RPS6KC1: variants seen among roughly 807,000 people sequenced by gnomAD.
The protein encoded by RPS6KC1 is ribosomal protein S6 kinase C1, also known as inactive ribosomal protein S6 kinase delta-1.
RPS6KC1 carries 54 observed loss-of-function variants against 103.8 expected under a neutral mutation model. The ratio of observed to expected loss-of-function variants is 0.52; its 90% CI spans 0.42 to 0.65. The LOEUF is 0.65. Ranked by LOEUF, RPS6KC1 falls within the 30% of genes least tolerant of loss-of-function variation. The probability of loss-of-function intolerance (pLI) is 0.00; values close to 1 mark genes in which losing one functional copy is unlikely to be tolerated. For missense variants in RPS6KC1, 1,151 were observed against 1,253.8 expected (o/e 0.92, Z 1.24); for synonymous variants, 439 against 438.7 (o/e 1.00, Z -0.01).
At chr1:213,094,120 C>T (rs1024893073) in intron 3 of RPS6KC1, among the ~76,000 whole-genome samples, 2 of 150,148 alleles carry the variant, frequency 1.3e-5, no homozygotes, top group Non-Finnish European at 2.9e-5. Flanking sequence ...ATAGTGAACA[C>T]ATATATATAC....
chr1:213,362,110 G>T, the RPS6KC1 span, among the ~76,000 whole-genome samples: 1 of 152,188 alleles, frequency 6.6e-6, no homozygotes, highest in Non-Finnish European at 1.5e-5. Flanking sequence ...TCAGGTTTGA[G>T]AACTGGAACC....
the RPS6KC1 span, among the ~76,000 whole-genome samples, chr1:213,303,635 A>G: frequency 6.6e-6 from 1 of 152,118 alleles, no homozygotes; most frequent in Non-Finnish European, 1.5e-5. Context: ...CCCAAACCCC[A>G]GAGAGTCCAG....
chr1:213,372,326 GC>G, the RPS6KC1 span, among the ~76,000 whole-genome samples: 1 of 152,222 alleles, frequency 6.6e-6, no homozygotes, highest in African/African-American at 2.4e-5. Context: ...CCTAATGTTT[GC>G]CTTCAGATCT....
At chr1:213,340,189 C>T in the RPS6KC1 span, among the ~76,000 whole-genome samples, 1 of 152,136 alleles carries the variant, frequency 6.6e-6, no homozygotes, top group African/African-American at 2.4e-5. Flanking sequence ...CTGAGGCTGC[C>T]TGTTTTCATG....
chr1:213,115,239 T>C (rs1213118447), intron 4 of RPS6KC1, among the ~76,000 whole-genome samples: 1 of 152,054 alleles, frequency 6.6e-6, no homozygotes, highest in African/African-American at 2.4e-5. Flanking sequence ...GATCCTGTTA[T>C]TGGTCTATTC....
chr1:213,095,379 C>T (rs2148692410), intron 3 of RPS6KC1, among the ~76,000 whole-genome samples: 2 of 152,286 alleles, frequency 1.3e-5, no homozygotes, highest in African/African-American at 4.8e-5. Context: ...CTTTTGATGA[C>T]TAACATGCAT....
chr1:213,310,539 C>CGTA, the RPS6KC1 span, among the ~76,000 whole-genome samples: 1 of 152,180 alleles, frequency 6.6e-6, no homozygotes, highest in Non-Finnish European at 1.5e-5. Context: ...GCACCCTACC[C>CGTA]CATCACCCTT....
chr1:213,585,696 G>A, the RPS6KC1 span, among the ~76,000 whole-genome samples: 2 of 152,134 alleles, frequency 1.3e-5, no homozygotes, highest in South Asian at 4.2e-4. Context: ...CACACAGCTG[G>A]GTGAATGGGG....
the RPS6KC1 span, among the ~76,000 whole-genome samples, chr1:213,602,106 T>TC: frequency 2.9e-5 from 1 of 34,654 alleles, no homozygotes; most frequent in African/African-American, 1.5e-4. Context: ...CTTTCTTTCT[T>TC]TCTTTCTTTC....
At chr1:213,488,131 C>A in the RPS6KC1 span, among the ~76,000 whole-genome samples, 1 of 152,248 alleles carries the variant, frequency 6.6e-6, no homozygotes, top group South Asian at 2.1e-4. Context: ...GTCACCTAAA[C>A]AATCCCTATC....
chr1:213,221,931 G>T (rs1193468475), intron 8 of RPS6KC1, among the ~76,000 whole-genome samples: 1 of 152,194 alleles, frequency 6.6e-6, no homozygotes, highest in East Asian at 1.9e-4. Context: ...GATTTGGTCT[G>T]TTTTCTTCTA....
At position 213,242,668 on chromosome 1, in the gene RPS6KC1, A is replaced by G. The variant is rs201825645; in HGVS notation, c.2911+10A>G. On this transcript the variant is annotated intron_variant, in intron 12 of 14. Transcript: ENST00000366960. Reference sequence around the variant, plus strand: ...ATGTACTGTGCCCCAGGTTAGAGCAATCTCCTAAAATGTTTCACTTGAAAA... The same window carrying G: ...ATGTACTGTGCCCCAGGTTAGAGCAGTCTCCTAAAATGTTTCACTTGAAAA... The G allele has an allele frequency of 4.9e-5, 78 of 1,596,074 alleles. No homozygotes were observed. The highest frequency in any genetic ancestry group is 6.7e-5 in the Non-Finnish European group (78 of 1,166,204).
At chr1:213,572,614 A>G in the RPS6KC1 span, among the ~76,000 whole-genome samples, 13 of 152,218 alleles carry the variant, frequency 8.5e-5, no homozygotes, top group Admixed American at 8.5e-4. Flanking sequence ...AAATAAACAA[A>G]TTTAGTTTTT....
At chr1:213,414,870 G>A in the RPS6KC1 span, among the ~76,000 whole-genome samples, 11 of 152,122 alleles carry the variant, frequency 7.2e-5, 1 homozygote, top group East Asian at 9.6e-4. Flanking sequence ...TCAGAACAGC[G>A]TGTTCACCTG....
At chr1:213,601,721 A>G in the RPS6KC1 span, among the ~76,000 whole-genome samples, 5 of 151,990 alleles carry the variant, frequency 3.3e-5, no homozygotes, top group Admixed American at 6.6e-5. Context: ...TGCCTCCACA[A>G]TGGATTCTGT....
the RPS6KC1 span, among the ~76,000 whole-genome samples, chr1:213,832,043 G>A: frequency 1.3e-5 from 2 of 152,174 alleles, no homozygotes; most frequent in African/African-American, 4.8e-5. Flanking sequence ...TCTGAATACT[G>A]TAACCAAGAC....
the RPS6KC1 span, among the ~76,000 whole-genome samples, chr1:213,824,247 G>A: frequency 3.9e-5 from 6 of 152,184 alleles, no homozygotes; most frequent in South Asian, 1.2e-3. Context: ...CCCTCTAAGG[G>A]TGCTCCATGT....
chr1:213,508,293 T>G, the RPS6KC1 span, among the ~76,000 whole-genome samples: 1 of 152,274 alleles, frequency 6.6e-6, no homozygotes, highest in African/African-American at 2.4e-5. Flanking sequence ...CCAATTTCTC[T>G]GCATTATTTG....
intron 7 of RPS6KC1, among the ~76,000 whole-genome samples, chr1:213,168,595 G>A (rs1037823349): frequency 5.9e-5 from 9 of 151,892 alleles, no homozygotes; most frequent in African/African-American, 1.7e-4. Flanking sequence ...TGTGTCTTCC[G>A]GAAATGGGAG....
Sources: gnomAD v4.1 joint callset for allele counts (sites outside exome capture counted in the v4.1 genomes callset) on GRCh38, gnomAD v4.1.1 for gene constraint, MANE v1.5 for transcripts, NCBI Gene and HGNC (gene_info 2026-07-23, HGNC 2026-07-21) for gene names.